Variants in NRF1 observed in about 807,000 individuals in gnomAD.
NRF1 encodes the protein nuclear respiratory factor 1, also known as alpha palindromic-binding protein.
In NRF1, 5 loss-of-function variants were observed where a neutral mutation model predicts 58.5. That is an observed-to-expected ratio of 0.09 (90% CI 0.04 to 0.18). The LOEUF (loss-of-function observed/expected upper bound fraction) is 0.18. NRF1 is among the 10% of genes least tolerant of loss of function. The pLI, the probability that NRF1 is intolerant of heterozygous loss-of-function variation, is 1.00. For synonymous variants in NRF1, 224 were observed against 246.7 expected (o/e 0.91, Z 0.86); for missense variants, 288 against 657.7 (o/e 0.44, Z 6.15).
intron 1 of NRF1, among the ~76,000 whole-genome samples, chr7:129,618,628 G>A (rs1800704687): frequency 6.6e-6 from 1 of 152,206 alleles, no homozygotes. Flanking sequence ...CCAGGAGTTT[G>A]AGGCTGTAGC....
chr7:129,657,157 C>T (rs567376409), intron 1 of NRF1, among the ~76,000 whole-genome samples, 189 bp from the exon 2 acceptor site: 1 of 152,138 alleles, frequency 6.6e-6, no homozygotes, highest in Admixed American at 6.5e-5. Flanking sequence ...CGTAAGAACA[C>T]CACTCTGTCA....
At chr7:129,634,061 T>TATATAC (rs764569771) in intron 1 of NRF1, among the ~76,000 whole-genome samples, 6 of 131,462 alleles carry the variant, frequency 4.6e-5, no homozygotes, top group African/African-American at 1.2e-4. Flanking sequence ...TATATATATA[T>TATATAC]ACACACACAC....
chr7:129,637,958 G>A (rs1180032951), intron 1 of NRF1, among the ~76,000 whole-genome samples: 1 of 151,940 alleles, frequency 6.6e-6, no homozygotes, highest in African/African-American at 2.4e-5. Flanking sequence ...ACGTGGCCTG[G>A]GGAAGCCAGA....
In NRF1 at chr7:129,728,800, A is replaced by G. The variant is rs551451509; in HGVS notation, c.1348+1435A>G. Among the ~76,000 whole-genome samples the G allele has an allele frequency of 7.2e-5, 11 of 152,342 alleles. No homozygotes were observed. In the South Asian group the frequency reaches 1.2e-3, roughly 17 times the overall value. On this transcript the variant is annotated intron_variant, in intron 10 of 10. Transcript: ENST00000393232. ...GCCAAACAAATTCAATTCTAAAACT[A>G]TAGCCTACTTTTTCTGTAGGGAAAG...
intron 2 of NRF1, among the ~76,000 whole-genome samples, chr7:129,670,801 G>T (rs1802030560): frequency 6.6e-6 from 1 of 152,062 alleles, no homozygotes; most frequent in Non-Finnish European, 1.5e-5. Context: ...TCTCAGAGTG[G>T]GAAAGTTATC....
At chr7:129,673,417 T>C (rs1388223757) in intron 3 of NRF1, among the ~76,000 whole-genome samples, 5 of 152,214 alleles carry the variant, frequency 3.3e-5, no homozygotes, top group African/African-American at 4.8e-5. Flanking sequence ...GTTTCATCCA[T>C]TGTTACTATA....
intron 5 of NRF1, among the ~76,000 whole-genome samples, 185 bp downstream of exon 5, chr7:129,690,731 C>G (rs148681053): frequency 2.0e-5 from 3 of 152,244 alleles, no homozygotes; most frequent in African/African-American, 7.2e-5. Context: ...GTGCTCCCAA[C>G]CAAGGGCATG....
chr7:129,639,131 C>T (rs1347048082), intron 1 of NRF1, among the ~76,000 whole-genome samples: 6 of 151,740 alleles, frequency 4.0e-5, no homozygotes, highest in Middle Eastern at 3.2e-3. Flanking sequence ...ACAGTCTCTG[C>T]TTACTGCAGC....
At chr7:129,725,717 A>G (rs920003170) in intron 9 of NRF1, among the ~76,000 whole-genome samples, 6 of 152,254 alleles carry the variant, frequency 3.9e-5, no homozygotes, top group Non-Finnish European at 5.9e-5. Context: ...AGTTTGCTCA[A>G]ACTTTCTATA....
intron 4 of NRF1, among the ~76,000 whole-genome samples, chr7:129,689,207 A>G (rs774621909): frequency 4.6e-5 from 7 of 152,198 alleles, no homozygotes; most frequent in Non-Finnish European, 8.8e-5. Flanking sequence ...AAGTTGCACC[A>G]TGTAGCCAGT....
intron 10 of NRF1, among the ~76,000 whole-genome samples, chr7:129,734,365 C>CTACA (rs1171809163): frequency 6.6e-6 from 1 of 152,220 alleles, no homozygotes. Context: ...AACCACTGTA[C>CTACA]TACACTGTCT....
intron 4 of NRF1, among the ~76,000 whole-genome samples, chr7:129,680,295 T>C (rs1389163725): frequency 6.6e-6 from 1 of 152,192 alleles, no homozygotes; most frequent in Non-Finnish European, 1.5e-5. Flanking sequence ...CACAGTAAGA[T>C]ACCTCTTCAT....
intron 1 of NRF1, among the ~76,000 whole-genome samples, chr7:129,637,298 A>T (rs1192001284): frequency 1.3e-5 from 2 of 152,044 alleles, no homozygotes; most frequent in Non-Finnish European, 2.9e-5. Flanking sequence ...ACCCCTGCAA[A>T]AAAGCAAGGA....
rs763575544 is a variant in NRF1, at chr7:129,710,427, T to C, written c.819T>C (p.His273=). The change falls in exon 7 of 11, where the codon CAT becomes CAC. Residue 273 remains histidine (H), a synonymous_variant. Coordinates refer to ENST00000393232, the MANE Select transcript of NRF1 (RefSeq NM_005011.5). The stretch of plus-strand genomic sequence containing the variant: ...TAGTTAAAAACTGTTATAAACAGCA[T>C]GGGCGGGAAGACCTTTTGTATGCCT... The part of the protein sequence containing the change: ...RTIVKNCYKQ[H]GREDLLYAFE... The C allele has an allele frequency of 1.2e-6, 2 of 1,614,234 alleles. No homozygotes were observed. The highest frequency in any genetic ancestry group is 1.7e-6 in the Non-Finnish European group (2 of 1,180,036).
chr7:129,699,861 C>T (rs923110078), intron 5 of NRF1, among the ~76,000 whole-genome samples: 6 of 151,418 alleles, frequency 4.0e-5, no homozygotes, highest in Admixed American at 6.6e-5. Flanking sequence ...AGAAATAGGC[C>T]GGGCGCAGTG....
intron 10 of NRF1, among the ~76,000 whole-genome samples, chr7:129,729,801 A>C (rs571917485): frequency 6.6e-6 from 1 of 152,178 alleles, no homozygotes; most frequent in South Asian, 2.1e-4. Context: ...ATTCTTTCGG[A>C]TTCTGTCCTG....
rs1283849481 is a variant in NRF1, at chr7:129,755,186, C to G, written c.*5C>G. On this transcript the variant is annotated 3_prime_UTR_variant, in exon 11 of 11. Transcript: ENST00000393232. The surrounding 1 kb of genome is among the most constrained non-coding windows in gnomAD (Gnocchi z 5.8). ...GTGGTGACATTGGAACAGTGACATA[C>G]AGCCATATTATGGCATCGTTTTCTA... 2 of 1,591,928 alleles carry G rather than the reference C, an allele frequency of 1.3e-6. No homozygotes were observed. The highest frequency in any genetic ancestry group is 1.7e-6 in the Non-Finnish European group (2 of 1,170,196).
intron 1 of NRF1, among the ~76,000 whole-genome samples, chr7:129,633,004 C>G (rs1376057769): frequency 1.3e-5 from 1 of 78,356 alleles, no homozygotes; most frequent in Non-Finnish European, 4.4e-5. Context: ...TGCAAAACAG[C>G]TACATAAAGC....
At chr7:129,631,228 T>G (rs550563853) in intron 1 of NRF1, among the ~76,000 whole-genome samples, 104 of 96,202 alleles carry the variant, frequency 1.1e-3, no homozygotes, top group Admixed American at 2.3e-3. Flanking sequence ...TCTAAGGAAT[T>G]TGATTTAATT....
Sources: gnomAD v4.1 joint callset for allele counts (sites outside exome capture counted in the v4.1 genomes callset) on GRCh38, gnomAD v4.1.1 for gene constraint, Gnocchi (gnomAD v3.1) non-coding constraint, MANE v1.5 for transcripts, NCBI Gene and HGNC (gene_info 2026-07-23, HGNC 2026-07-21) for gene names.